HDAC9: variants seen among roughly 807,000 people sequenced by gnomAD.
The protein encoded by HDAC9 is MEF-2 interacting transcription repressor (MITR) protein.
A neutral mutation model predicts 139.4 loss-of-function variants in HDAC9; 41 were observed. The observed-to-expected ratio is 0.29, with a 90% CI of 0.23 to 0.38. The LOEUF is 0.38. Ranked by LOEUF, HDAC9 falls within the 10% of genes least tolerant of loss-of-function variation. HDAC9 has a pLI of 1.00. For synonymous variants in HDAC9, 517 were observed against 476.2 expected (o/e 1.09, Z -1.12); for missense variants, 1,147 against 1,297.0 (o/e 0.88, Z 1.78).
intron 12 of HDAC9, among the ~76,000 whole-genome samples, chr7:18,694,397 A>G (rs935031005): frequency 1.3e-5 from 2 of 151,910 alleles, no homozygotes; most frequent in African/African-American, 4.8e-5. Flanking sequence ...GAGCTATCTC[A>G]TTTTCTTTAG....
At chr7:18,808,666 A>C (rs949936336) in intron 17 of HDAC9, among the ~76,000 whole-genome samples, 5 of 152,106 alleles carry the variant, frequency 3.3e-5, no homozygotes, top group East Asian at 1.9e-4. Flanking sequence ...AATAAATGGA[A>C]CGATATCCCA....
chr7:18,623,385 G>A (rs1840753125), intron 6 of HDAC9, among the ~76,000 whole-genome samples: 1 of 152,040 alleles, frequency 6.6e-6, no homozygotes. Flanking sequence ...ATTACACTAG[G>A]CAAAGGAGTG....
At chr7:18,691,446 T>G (rs1393338513) in intron 12 of HDAC9, among the ~76,000 whole-genome samples, 1 of 152,022 alleles carries the variant, frequency 6.6e-6, no homozygotes, top group East Asian at 1.9e-4. Flanking sequence ...GTAAGCAGTA[T>G]AAAACTAAAT....
intron 1 of HDAC9, among the ~76,000 whole-genome samples, chr7:18,377,442 A>G (rs557556613): frequency 6.6e-6 from 1 of 152,336 alleles, no homozygotes; most frequent in South Asian, 2.1e-4. Context: ...AGTCAGTAGT[A>G]TTTATTAACC....
At chr7:18,609,198 A>G (rs1836391190) in intron 6 of HDAC9, among the ~76,000 whole-genome samples, 1 of 152,162 alleles carries the variant, frequency 6.6e-6, no homozygotes, top group Non-Finnish European at 1.5e-5. Context: ...GCCAAATATA[A>G]TTTGATGGAA....
chr7:18,549,020 G>A (rs1633993), intron 2 of HDAC9, among the ~76,000 whole-genome samples: 10 of 152,074 alleles, frequency 6.6e-5, no homozygotes, highest in East Asian at 5.8e-4. Flanking sequence ...CGGGAGGATC[G>A]CGAGGTCAAG....
At chr7:18,406,656 T>C (rs531676315) in intron 1 of HDAC9, among the ~76,000 whole-genome samples, 1 of 152,344 alleles carries the variant, frequency 6.6e-6, no homozygotes, top group South Asian at 2.1e-4. Context: ...TCCAAAGTGC[T>C]GGGATTACAG....
chr7:18,856,946 T>G (rs891118902), intron 21 of HDAC9, among the ~76,000 whole-genome samples: 1 of 152,162 alleles, frequency 6.6e-6, no homozygotes, highest in Admixed American at 6.6e-5. Context: ...TAAAGTGCCT[T>G]GAAGGAAATC....
intron 22 of HDAC9, among the ~76,000 whole-genome samples, chr7:18,914,445 A>G (rs1038873045): frequency 5.9e-5 from 9 of 151,934 alleles, no homozygotes; most frequent in South Asian, 2.1e-4. Flanking sequence ...TATCTGTACA[A>G]TAGACATAAG....
intron 23 of HDAC9, among the ~76,000 whole-genome samples, chr7:18,939,092 G>C (rs929982407): frequency 6.6e-6 from 1 of 152,162 alleles, no homozygotes; most frequent in Non-Finnish European, 1.5e-5. Flanking sequence ...TGGTAAATTT[G>C]AGTTAGTTAT....
intron 23 of HDAC9, among the ~76,000 whole-genome samples, chr7:18,945,628 T>G (rs1337807597): frequency 1.3e-5 from 2 of 152,204 alleles, no homozygotes; most frequent in Admixed American, 6.5e-5. Flanking sequence ...ATTTTTTGAC[T>G]TCAACATTTA....
intron 22 of HDAC9, among the ~76,000 whole-genome samples, chr7:18,907,917 A>G (rs1293612277): frequency 6.6e-6 from 1 of 152,112 alleles, no homozygotes; most frequent in Non-Finnish European, 1.5e-5. Flanking sequence ...AATGTATTTT[A>G]TTCTGTACAC....
At chr7:18,675,023 A>G (rs1055456125) in intron 12 of HDAC9, among the ~76,000 whole-genome samples, 9 of 152,030 alleles carry the variant, frequency 5.9e-5, no homozygotes, top group African/African-American at 2.2e-4. Context: ...TCTTTATAGT[A>G]TTAATTTTTC....
chr7:18,801,664 T>A (rs995368044), intron 17 of HDAC9, among the ~76,000 whole-genome samples: 4 of 152,090 alleles, frequency 2.6e-5, no homozygotes, highest in Admixed American at 2.6e-4. Flanking sequence ...GAAATTTGTT[T>A]TCTCAACGTT....
chr7:18,838,451 G>A (rs1796377228), intron 21 of HDAC9, among the ~76,000 whole-genome samples: 2 of 152,004 alleles, frequency 1.3e-5, no homozygotes, highest in Non-Finnish European at 2.9e-5. Flanking sequence ...AGAGTGAACT[G>A]TGAAATGCAT....
At chr7:18,515,022 GTCC>G (rs1802720111) in intron 2 of HDAC9, among the ~76,000 whole-genome samples, 1 of 152,098 alleles carries the variant, frequency 6.6e-6, no homozygotes, top group African/African-American at 2.4e-5. Context: ...GTACTACATA[GTCC>G]TTAGGAATTT....
At chr7:18,679,307 T>C (rs941254927) in intron 12 of HDAC9, among the ~76,000 whole-genome samples, 2 of 151,962 alleles carry the variant, frequency 1.3e-5, no homozygotes, top group African/African-American at 4.8e-5. Context: ...CCTATACATA[T>C]ACAGACAAAC....
chr7:18,322,264 T>G (rs574620378), intron 1 of HDAC9, among the ~76,000 whole-genome samples: 1 of 152,348 alleles, frequency 6.6e-6, no homozygotes, highest in South Asian at 2.1e-4. Flanking sequence ...CAATTTGAAT[T>G]ACTTGGCCTG....
chr7:18,658,543 A>C (rs1359201483), intron 11 of HDAC9, among the ~76,000 whole-genome samples: 2 of 152,170 alleles, frequency 1.3e-5, no homozygotes, highest in Non-Finnish European at 2.9e-5. Flanking sequence ...TAGAAATGGT[A>C]TTTTTCAGTT....
Sources: gnomAD v4.1 joint callset for allele counts (sites outside exome capture counted in the v4.1 genomes callset) on GRCh38, gnomAD v4.1.1 for gene constraint, MANE v1.5 for transcripts, NCBI Gene and HGNC (gene_info 2026-07-23, HGNC 2026-07-21) for gene names.